The following GSE1 variants were observed in gnomAD, a reference collection of about 807,000 sequenced individuals.
GSE1 encodes genetic suppressor element 1.
Under a neutral mutation model 112.6 loss-of-function variants are expected in GSE1, and 32 were observed. That is an observed-to-expected ratio of 0.28 (90% CI 0.21 to 0.38). The LOEUF (loss-of-function observed/expected upper bound fraction) is 0.38, where lower values mean the gene tolerates loss of function less well. GSE1 is among the 10% of genes least tolerant of loss of function. GSE1 has a pLI of 1.00. For missense variants in GSE1, 2,348 were observed against 1,699.2 expected, an observed-to-expected ratio of 1.38 and a Z score of -6.71; for synonymous variants, 1,115 against 735.6, an observed-to-expected ratio of 1.52 and a Z score of -8.35.
intron 2 of GSE1, among the ~76,000 whole-genome samples, chr16:85,469,285 T>C (rs1266312873): frequency 1.3e-5 from 2 of 148,600 alleles, no homozygotes; most frequent in African/African-American, 4.9e-5. Flanking sequence ...CGAAATTCAA[T>C]GACAGGGGCC....
chr16:85,375,626 C>T (rs1041309185), intron 2 of GSE1, among the ~76,000 whole-genome samples: 2 of 152,122 alleles, frequency 1.3e-5, no homozygotes, highest in African/African-American at 4.8e-5. Flanking sequence ...GGGGTGGAGA[C>T]TGGAGTTTGG....
rs1160401126 is a variant in GSE1 at position 85,357,765 on chromosome 16, G to A, written c.2464+122G>A. 5 of 474,240 alleles carry A rather than the reference G, an allele frequency of 1.1e-5. No homozygotes were observed. The East Asian group carries it at 4.0e-4, about 38-fold the overall frequency. 29.4% of individuals were successfully genotyped at this position (474,240 alleles called of 1,614,324 possible). A position where few individuals can be genotyped will look rare whatever the true frequency, so the allele number is the denominator to read the frequency against. The stretch of plus-strand genomic sequence containing the variant: ...CCGCCTTGTGTCCTCGGCATCCTAG[G>A]GGAGAGACCGGGTGCTGGGTCTCCC... On this transcript the variant is annotated intron_variant, in intron 2 of 2. Coordinates refer to the GSE1 transcript ENST00000637419.
At chr16:85,611,372 T>G, upstream of GSE1, 1 of 616,146 alleles carries the variant, frequency 1.6e-6, no homozygotes, top group Non-Finnish European at 2.0e-6. Flanking sequence ...CGCCGGCCAG[T>G]GCGGGTATAA....
At position 85,419,213 on chromosome 16, in the gene GSE1, C is replaced by CA. The variant is rs2048770701; in HGVS notation, c.2464+61571dup. Reference sequence around the variant, plus strand: ...GAGGCTGCCTTAGTCTCTGCAGGGACAGCAGTGAGGGTGCCCGGGCCCTGC... The same window carrying CA: ...GAGGCTGCCTTAGTCTCTGCAGGGACAAGCAGTGAGGGTGCCCGGGCCCTGC... On this transcript the variant is annotated intron_variant, in intron 2 of 2. Transcript: ENST00000637419. The surrounding 1 kb of genome is among the most constrained non-coding windows in gnomAD (Gnocchi z 6.5). 6.6e-6 allele frequency among the ~76,000 whole-genome samples: 1 copy of CA among 152,180 alleles called. No individual in the cohort carries two copies. Among genetic ancestry groups the CA allele is most frequent in the East Asian group, 1.9e-4 (1 of 5,192 alleles).
At chr16:85,199,881 G>C (rs2074997072) in intron 1 of GSE1, among the ~76,000 whole-genome samples, 1 of 152,150 alleles carries the variant, frequency 6.6e-6, no homozygotes, top group South Asian at 2.1e-4. Context: ...GGCTACTGCA[G>C]TGGTCCGAGC....
intron 1 of GSE1, among the ~76,000 whole-genome samples, chr16:85,254,012 A>G (rs1000201257): frequency 6.4e-4 from 97 of 152,154 alleles, no homozygotes; most frequent in African/African-American, 2.2e-3. Flanking sequence ...TGGAGCAAAA[A>G]TAGAGGCCGA....
At chr16:85,634,518 C>A (rs1208384848) in intron 2 of GSE1, among the ~76,000 whole-genome samples, 4 of 152,194 alleles carry the variant, frequency 2.6e-5, no homozygotes, top group Admixed American at 2.6e-4. Context: ...TGGCTCCTTG[C>A]CCAGGTTTTG....
chr16:85,575,499 C>T (rs967882027), intron 1 of GSE1, among the ~76,000 whole-genome samples: 1 of 152,150 alleles, frequency 6.6e-6, no homozygotes. Context: ...CGTCTCCCCT[C>T]TTTTCTGATC....
intron 2 of GSE1, among the ~76,000 whole-genome samples, chr16:85,397,959 A>G (rs899265507): frequency 7.9e-6 from 1 of 126,692 alleles, no homozygotes; most frequent in African/African-American, 3.0e-5. Flanking sequence ...CACCCTACAG[A>G]CCAGTTAGTT....
At chr16:85,209,917 C>A (rs918743326) in intron 1 of GSE1, among the ~76,000 whole-genome samples, 1 of 152,180 alleles carries the variant, frequency 6.6e-6, no homozygotes, top group African/African-American at 2.4e-5. Context: ...GCTTTCCTAC[C>A]TCCAGGGGTG....
At chr16:85,214,376 C>T (rs1049452175) in intron 1 of GSE1, among the ~76,000 whole-genome samples, 1 of 151,672 alleles carries the variant, frequency 6.6e-6, no homozygotes, top group African/African-American at 2.4e-5. Flanking sequence ...CTGATGTCCT[C>T]ACAAGAAGAA....
chr16:85,206,889 G>A (rs891065067), intron 1 of GSE1, among the ~76,000 whole-genome samples: 1 of 151,708 alleles, frequency 6.6e-6, no homozygotes, highest in African/African-American at 2.4e-5. Context: ...TTTATGGCAG[G>A]CAAAGTGCTA....
At chr16:85,319,266 C>A (rs2046048745) in intron 1 of GSE1, among the ~76,000 whole-genome samples, 2 of 152,204 alleles carry the variant, frequency 1.3e-5, no homozygotes, top group Non-Finnish European at 2.9e-5. Context: ...AGGCGTGTGA[C>A]CCAGAACTTG....
intron 1 of GSE1, among the ~76,000 whole-genome samples, chr16:85,350,905 G>A (rs543590625): frequency 6.6e-6 from 1 of 152,226 alleles, no homozygotes; most frequent in South Asian, 2.1e-4. Flanking sequence ...TCAGCCTCCC[G>A]AGTAGCTGGG....
At position 85,399,141 on chromosome 16, in the gene GSE1, TTGTG is replaced by T. The variant is rs2048033542; in HGVS notation, c.2464+41504_2464+41507del. ...GCATAGGATTGCACATACACGTGGCTTGTGTGTGTCTGTATTGTGTGCATATGAC... is the reference window on the plus strand; with the variant it reads ...GCATAGGATTGCACATACACGTGGCTTGTGTCTGTATTGTGTGCATATGAC... On this transcript the variant is annotated intron_variant, in intron 2 of 2. Coordinates refer to the GSE1 transcript ENST00000637419. Among the ~76,000 whole-genome samples the T allele has an allele frequency of 2.0e-5, 3 of 152,276 alleles. No individual in the cohort carries two copies. In the South Asian group the frequency reaches 6.2e-4, roughly 32 times the overall value.
intron 1 of GSE1, among the ~76,000 whole-genome samples, chr16:85,568,310 G>A (rs1042094716): frequency 2.0e-5 from 3 of 152,214 alleles, no homozygotes; most frequent in Admixed American, 6.5e-5. Context: ...GTAGGCCTCC[G>A]GGGTGGGCCT....
chr16:85,484,696 T>C (rs2050779221), intron 2 of GSE1, among the ~76,000 whole-genome samples: 1 of 152,212 alleles, frequency 6.6e-6, no homozygotes, highest in Admixed American at 6.5e-5. Context: ...AGTAACCTCC[T>C]TCAATTGCAC....
chr16:85,243,434 A>G (rs1905319929), intron 1 of GSE1, among the ~76,000 whole-genome samples: 1 of 152,194 alleles, frequency 6.6e-6, no homozygotes, highest in African/African-American at 2.4e-5. Flanking sequence ...TTGCTGCTGA[A>G]ACTGTGTCCC....
At chr16:85,411,545 CT>C (rs200475350) in intron 2 of GSE1, among the ~76,000 whole-genome samples, 13 of 45,108 alleles carry the variant, frequency 2.9e-4, no homozygotes, top group African/African-American at 9.2e-4. Context: ...CAGGGCCCCC[CT>C]GGATAATCCT....
Sources: gnomAD v4.1 joint callset for allele counts (sites outside exome capture counted in the v4.1 genomes callset) on GRCh38, gnomAD v4.1.1 for gene constraint, Gnocchi (gnomAD v3.1) non-coding constraint, MANE v1.5 for transcripts, NCBI Gene and HGNC (gene_info 2026-07-23, HGNC 2026-07-21) for gene names.